The following HMGB1 variants were observed in gnomAD, a reference collection of about 807,000 sequenced individuals.
HMGB1 encodes high mobility group box 1, also known as high mobility group protein B1.
For missense variants in HMGB1, 79 were observed against 253.5 expected (o/e 0.31, Z 4.67); for synonymous variants, 81 against 84.0 (o/e 0.96, Z 0.19).
intron 1 of HMGB1, among the ~76,000 whole-genome samples, chr13:30,558,245 G>A (rs538772605): frequency 5.9e-5 from 9 of 152,106 alleles, no homozygotes; most frequent in South Asian, 2.1e-4. Context: ...TACTTTGATC[G>A]CCTGATTTCA....
intron 1 of HMGB1, among the ~76,000 whole-genome samples, chr13:30,530,810 G>A (rs1483008127): frequency 1.3e-5 from 2 of 152,140 alleles, no homozygotes; most frequent in Non-Finnish European, 2.9e-5. Flanking sequence ...ACTTTGGGAG[G>A]TGGAGGCAGG....
intron 1 of HMGB1, chr13:30,553,630 C>T: frequency 3.1e-6 from 2 of 643,872 alleles, no homozygotes; most frequent in Non-Finnish European, 5.6e-6. Flanking sequence ...GAGCCAACCT[C>T]ACTCTTCCAT....
In HMGB1 at chr13:30,538,623, CTCTT is replaced by C. The variant is rs757892291; in HGVS notation, c.-14-74933_-14-74930del. Among the ~76,000 whole-genome samples the C allele has an allele frequency of 1.2e-3, 115 of 94,798 alleles. 3 individuals are homozygous for C. The highest frequency in any genetic ancestry group is 3.1e-3 in the East Asian group (12 of 3,856). 62.2% of individuals were successfully genotyped at this position (94,798 alleles called of 152,430 possible). On this transcript the variant is annotated intron_variant, in intron 1 of 4. Coordinates refer to the HMGB1 transcript ENST00000405805. Reference sequence around the variant, plus strand: ...TTTTTCTTTCTTTCTCTTTCTCTCTCTCTTTCTTTTTCTTTCTTCCTTTCTTTCT... The same window carrying C: ...TTTTTCTTTCTTTCTCTTTCTCTCTCTCTTTTTCTTTCTTCCTTTCTTTCT...
rs531872240 is a variant in HMGB1 at position 30,461,920 on chromosome 13, G to A, written c.472-387C>T. 1.2e-4 allele frequency among the ~76,000 whole-genome samples: 19 copies of A among 152,034 alleles called. No individual in the cohort carries two copies. In the South Asian group the frequency reaches 3.9e-3, roughly 32 times the overall value. On this transcript the variant is annotated intron_variant, in intron 4 of 4. Transcript: ENST00000341423. Reference sequence around the variant, plus strand: ...ACTGTCAGACCTTAATCCTTAGTAGGAAATGTGGTCTTAAAAAAAAAAGGT... The same window carrying A: ...ACTGTCAGACCTTAATCCTTAGTAGAAAATGTGGTCTTAAAAAAAAAAGGT...
intron 1 of HMGB1, among the ~76,000 whole-genome samples, chr13:30,553,154 G>A (rs1359608394): frequency 6.6e-6 from 1 of 152,210 alleles, no homozygotes; most frequent in African/African-American, 2.4e-5. Context: ...GGATCAAGTA[G>A]CAGATATTCA....
chr13:30,561,986 G>C (rs1462515963), intron 1 of HMGB1, among the ~76,000 whole-genome samples: 1 of 152,140 alleles, frequency 6.6e-6, no homozygotes, highest in Non-Finnish European at 1.5e-5. Flanking sequence ...CATCTCCCTG[G>C]TTAATGATGG....
chr13:30,465,044 G>C (rs1301238215), intron 1 of HMGB1: 12 of 533,160 alleles, frequency 2.3e-5, no homozygotes, highest in Non-Finnish European at 2.6e-5. Flanking sequence ...ACGCGGGGCT[G>C]TGAAAAGAGA....
At chr13:30,489,667 A>C (rs1887439249) in intron 1 of HMGB1, among the ~76,000 whole-genome samples, 1 of 151,942 alleles carries the variant, frequency 6.6e-6, no homozygotes, top group Non-Finnish European at 1.5e-5. Flanking sequence ...TGGGTCACTC[A>C]CTTCTGAATG....
chr13:30,465,143 G>A (rs1400177945), intron 1 of HMGB1: 2 of 968,730 alleles, frequency 2.1e-6, no homozygotes, highest in African/African-American at 1.8e-5. Context: ...CGCCGGGCCC[G>A]AGTCAGCCAT....
At chr13:30,532,345 A>G (rs936247692) in intron 1 of HMGB1, among the ~76,000 whole-genome samples, 1 of 151,810 alleles carries the variant, frequency 6.6e-6, no homozygotes, top group Non-Finnish European at 1.5e-5. Context: ...AAAAAAAAAA[A>G]AAAAAAATGG....
At chr13:30,478,372 T>G (rs1205746465) in intron 1 of HMGB1, among the ~76,000 whole-genome samples, 1 of 152,180 alleles carries the variant, frequency 6.6e-6, no homozygotes, top group Non-Finnish European at 1.5e-5. Context: ...ATTAAAAAAA[T>G]TATGAATTGC....
chr13:30,497,899 G>T (rs1887648133), intron 1 of HMGB1, among the ~76,000 whole-genome samples: 1 of 152,164 alleles, frequency 6.6e-6, no homozygotes, highest in Non-Finnish European at 1.5e-5. Flanking sequence ...CTATTGGGAA[G>T]AGTGCTGCAA....
At chr13:30,465,155 T>C in intron 1 of HMGB1, 1 of 961,882 alleles carries the variant, frequency 1.0e-6, no homozygotes. Flanking sequence ...GTCAGCCATG[T>C]TCCAGCGAGC....
chr13:30,548,711 C>T (rs1466259389), intron 1 of HMGB1, among the ~76,000 whole-genome samples: 1 of 152,200 alleles, frequency 6.6e-6, no homozygotes, highest in African/African-American at 2.4e-5. Context: ...CACTCAGAAC[C>T]TACAGTTTCT....
rs1333320053 is a variant in HMGB1 at position 30,460,106 on chromosome 13, CTAATGAA to C, written c.*1244_*1250del. On this transcript the variant is annotated 3_prime_UTR_variant, in exon 5 of 5. Coordinates refer to ENST00000341423, the MANE Select transcript of HMGB1 (RefSeq NM_002128.7). ...TAAACTCCTAAGCAGATAAACATGACTAATGAATGAGTTTGTTTTGTAAAGAAAAATC... is the reference window on the plus strand; with the variant it reads ...TAAACTCCTAAGCAGATAAACATGACTGAGTTTGTTTTGTAAAGAAAAATC... 6.6e-6 allele frequency: 1 copy of C among 152,474 alleles called. No homozygotes were observed. Among genetic ancestry groups the C allele is most frequent in the Admixed American group, 6.5e-5 (1 of 15,274 alleles). The allele number at this position is 152,474 out of a possible 1,614,324, so 9.4% of individuals were successfully genotyped here.
chr13:30,587,311 T>C (rs991108045), intron 1 of HMGB1, among the ~76,000 whole-genome samples: 2 of 152,182 alleles, frequency 1.3e-5, no homozygotes, highest in African/African-American at 4.8e-5. Flanking sequence ...AAATTAGAGG[T>C]AGTCATCTTT....
intron 1 of HMGB1, among the ~76,000 whole-genome samples, chr13:30,476,582 T>C (rs571666312): frequency 6.6e-6 from 1 of 152,132 alleles, no homozygotes; most frequent in Non-Finnish European, 1.5e-5. Flanking sequence ...ATTTTGTTTA[T>C]GGCTGGTGTG....
intron 1 of HMGB1, among the ~76,000 whole-genome samples, chr13:30,570,003 C>T (rs114875626): frequency 7.7e-4 from 117 of 152,228 alleles, no homozygotes; most frequent in African/African-American, 2.7e-3. Context: ...AGGAGGAAGA[C>T]GAGAGAAAGC....
intron 1 of HMGB1, among the ~76,000 whole-genome samples, chr13:30,606,358 C>T (rs935232794): frequency 2.6e-5 from 4 of 152,130 alleles, no homozygotes; most frequent in African/African-American, 4.8e-5. Flanking sequence ...CTCAACTGAG[C>T]AACTTTCAGG....
Sources: allele counts gnomAD v4.1 joint callset (sites outside exome capture counted in the v4.1 genomes callset), GRCh38; gene constraint gnomAD v4.1.1; transcripts MANE v1.5; gene names NCBI Gene and HGNC (gene_info 2026-07-23, HGNC 2026-07-21).